POU6F1: variants seen among roughly 807,000 people sequenced by gnomAD.
POU6F1 encodes POU domain, class 6, transcription factor 1.
Under a neutral mutation model 28.9 loss-of-function variants are expected in POU6F1, and 9 were observed. That is an observed-to-expected ratio of 0.31 (90% CI 0.19 to 0.54). The LOEUF is 0.54. Among genes scored for constraint, POU6F1 ranks in the 20% least tolerant of loss-of-function variants. The probability of loss-of-function intolerance (pLI) is 0.94; values close to 1 mark genes in which losing one functional copy is unlikely to be tolerated. For synonymous variants in POU6F1, 173 were observed against 171.1 expected (o/e 1.01, Z -0.09); for missense variants, 338 against 426.1 (o/e 0.79, Z 1.82).
Position 51,196,176 on chromosome 12 carries a change from G to A in POU6F1, c.976-3C>T, listed in dbSNP as rs773600942. ...ACCCATGGAAGGGTTCCAATAACCT[G>A]GGAGGAAATAAGGCAGGGACCCCAG... On this transcript the variant is annotated splice_region_variant and splice_polypyrimidine_tract_variant and intron_variant, in intron 7 of 10. Coordinates refer to ENST00000333640, the MANE Select transcript of POU6F1 (RefSeq NM_001330422.2). 4 of 1,503,134 alleles carry A rather than the reference G, an allele frequency of 2.7e-6. No individual in the cohort carries two copies. The South Asian group carries it at 5.5e-5, about 21-fold the overall frequency. 93.1% of individuals were successfully genotyped at this position (1,503,134 alleles called of 1,614,324 possible). A position where few individuals can be genotyped will look rare whatever the true frequency, so the allele number is the denominator to read the frequency against.
intron 8 of POU6F1, among the ~76,000 whole-genome samples, chr12:51,193,758 G>T (rs1405373246): frequency 3.3e-5 from 5 of 152,050 alleles, no homozygotes; most frequent in Non-Finnish European, 7.4e-5. Flanking sequence ...CAAAATATTA[G>T]AATTTTTGTA....
rs1461677187 is a variant in POU6F1, at chr12:51,195,976, C to G, written c.1173G>C (p.Lys391Asn). 15 of 1,117,984 alleles carry G rather than the reference C, an allele frequency of 1.3e-5. No homozygotes were observed. The highest frequency in any genetic ancestry group is 3.3e-5 in the African/African-American group (2 of 61,432). 69.3% of individuals were successfully genotyped at this position (1,117,984 alleles called of 1,614,324 possible). Residue 391 changes from lysine (K) to asparagine (N), a missense_variant, in exon 8 of 11, where the codon AAG becomes AAC. Physicochemically the swap from Lys to Asn is moderately conservative, Grantham distance 94 (BLOSUM62 0). Around this residue, in one of 3 missense-constraint regions of POU6F1, gnomAD observed 206 missense variants for 225.6 expected, o/e 0.91. Transcript: ENST00000333640. ...RKPSTPESPA[K>N]SEVQPIQPTP... ...CCCCCCCCAGCCCCTGTACCTCACT[C>G]TTAGCAGGGGACTCAGGTGTGCTTG...
At position 51,205,340 on chromosome 12, in the gene POU6F1, T is replaced by C. The variant is rs1395165288; in HGVS notation, c.49-972A>G. 2.0e-5 allele frequency among the ~76,000 whole-genome samples: 3 copies of C among 152,024 alleles called. No individual in the cohort carries two copies. In the East Asian group the frequency reaches 5.8e-4, roughly 29 times the overall value. ...CAGGTGTGAGCCACCACGCCCGGCC[T>C]GACTGCAGCTTTTTATCCTGTGGCC... On this transcript the variant is annotated intron_variant, in intron 2 of 10. Transcript: ENST00000333640.
At position 51,206,865 on chromosome 12, in the gene POU6F1, G is replaced by A. The variant is rs528004068; in HGVS notation, c.-29C>T. On this transcript the variant is annotated 5_prime_UTR_variant, in exon 2 of 11. Transcript: ENST00000333640. ...CACTTGTCAGGGTCGGGTGGGGGCC[G>A]GCCCACACCTAGCACATCCTGGGTA... 4 of 398,716 alleles carry A rather than the reference G, an allele frequency of 1.0e-5. No individual in the cohort carries two copies. In the South Asian group the frequency reaches 3.8e-4, roughly 38 times the overall value. 24.7% of individuals were successfully genotyped at this position (398,716 alleles called of 1,614,324 possible). A position where few individuals can be genotyped will look rare whatever the true frequency, so the allele number is the denominator to read the frequency against.
chr12:51,205,230 T>C (rs1032477119), intron 2 of POU6F1, among the ~76,000 whole-genome samples: 4 of 151,432 alleles, frequency 2.6e-5, no homozygotes, highest in East Asian at 1.9e-4. Flanking sequence ...TTAGTAGAGA[T>C]GGGGTTTCAC....
At chr12:51,209,966 T>G (rs1351380576) in intron 1 of POU6F1, among the ~76,000 whole-genome samples, 39 of 152,166 alleles carry the variant, frequency 2.6e-4, no homozygotes, top group Admixed American at 2.6e-3. Context: ...TCAGATTTTT[T>G]TTTTGTTTTG....
chr12:51,215,406 TTAGC>T (rs1944232672), intron 1 of POU6F1, among the ~76,000 whole-genome samples: 6 of 151,346 alleles, frequency 4.0e-5, no homozygotes, highest in Non-Finnish European at 7.4e-5. Context: ...AATACAAAAA[TTAGC>T]CAGGCATGGT....
chr12:51,213,010 T>C (rs1009687611), intron 1 of POU6F1, among the ~76,000 whole-genome samples: 9 of 151,910 alleles, frequency 5.9e-5, no homozygotes, highest in South Asian at 2.1e-4. Flanking sequence ...GATCTCGGCT[T>C]ACTGCAACCT....
intron 1 of POU6F1, among the ~76,000 whole-genome samples, chr12:51,214,191 T>C (rs975325425): frequency 1.3e-5 from 2 of 151,854 alleles, no homozygotes; most frequent in African/African-American, 4.8e-5. Context: ...AATAAAATGG[T>C]GATTAAATAG....
At chr12:51,200,083 G>T (rs188378003) in intron 3 of POU6F1, among the ~76,000 whole-genome samples, 12 of 152,302 alleles carry the variant, frequency 7.9e-5, no homozygotes, top group Admixed American at 6.5e-4. Flanking sequence ...AGGCTGGGGA[G>T]CCCTGTGCCA....
At position 51,196,875 on chromosome 12, in the gene POU6F1, G is replaced by A; in HGVS notation, c.899C>T (p.Thr300Ile). ...GQTQILGSLT[T>I]APVITSAIPS... ...AATGGCGCTGGTAATGACTGGAGCT[G>A]TAGTGAGGGACCCCAGGATCTGGGT... The change falls in exon 7 of 11, where the codon ACA (threonine) becomes ATA (isoleucine). Residue 300 changes from threonine to isoleucine, a missense_variant. By Grantham distance (89) the Thr-to-Ile change is moderately conservative. Transcript: ENST00000333640. The A allele has an allele frequency of 6.2e-7, 1 of 1,613,844 alleles. No homozygotes were observed.
At chr12:51,216,557 A>G (rs1196726660) in intron 1 of POU6F1, among the ~76,000 whole-genome samples, 1 of 152,224 alleles carries the variant, frequency 6.6e-6, no homozygotes, top group Non-Finnish European at 1.5e-5. Flanking sequence ...TACAGCAGAT[A>G]AGCGGAGTAC....
chr12:51,210,060 T>C (rs1943886644), intron 1 of POU6F1, among the ~76,000 whole-genome samples: 1 of 152,170 alleles, frequency 6.6e-6, no homozygotes, highest in Non-Finnish European at 1.5e-5. Flanking sequence ...CAGCCTCAAG[T>C]GATCCTTCCA....
rs1179518026 is a variant in POU6F1 at position 51,217,791 on chromosome 12, G to A, written c.-197C>T. On this transcript the variant is annotated 5_prime_UTR_variant, in exon 1 of 11. Coordinates refer to ENST00000333640, the MANE Select transcript of POU6F1 (RefSeq NM_001330422.2). The surrounding 1 kb of genome is among the most constrained non-coding windows in gnomAD (Gnocchi z 5.3). ...CAAAGAAGCCAGTGCGGCTTGGCTG[G>A]GCTCGGCTCGGCCCGGGAGCTGGTC... 2.6e-5 allele frequency: 4 copies of A among 151,696 alleles called. No individual in the cohort carries two copies. Among genetic ancestry groups the A allele is most frequent in the Non-Finnish European group, 1.5e-5 (1 of 67,788 alleles). 9.4% of individuals were successfully genotyped at this position (151,696 alleles called of 1,614,324 possible). A position where few individuals can be genotyped will look rare whatever the true frequency, so the allele number is the denominator to read the frequency against.
chr12:51,210,365 GC>G (rs1943911854), intron 1 of POU6F1, among the ~76,000 whole-genome samples: 1 of 152,218 alleles, frequency 6.6e-6, no homozygotes, highest in Non-Finnish European at 1.5e-5. Context: ...GAATCTGGGT[GC>G]ATTATAGCTT....
At chr12:51,193,201 CT>C (rs1430949576) in intron 8 of POU6F1, among the ~76,000 whole-genome samples, 1 of 152,198 alleles carries the variant, frequency 6.6e-6, no homozygotes, top group Non-Finnish European at 1.5e-5. Context: ...TGGCAGATGG[CT>C]TTTGGTATCT....
In POU6F1 at chr12:51,196,913, G is replaced by T. The variant is rs570049892; in HGVS notation, c.861C>A (p.Ser287=). 5 of 1,591,890 alleles carry T rather than the reference G, an allele frequency of 3.1e-6. No homozygotes were observed. The Admixed American group carries it at 8.4e-5, about 27-fold the overall frequency. Residue 287 remains serine, a synonymous_variant, in exon 7 of 11, where the codon TCC becomes TCA. Transcript: ENST00000333640. ...CCAGGATCTGGGTCTGTCCCCCGAG[G>T]GAAGCAGCACTGATCTGTGGGTGGA... is the stretch of plus-strand genomic sequence containing the variant. The part of the protein sequence containing the change: ...AFSPGIISAA[S]LGGQTQILGS...
intron 1 of POU6F1, among the ~76,000 whole-genome samples, chr12:51,215,431 T>C (rs745602944): frequency 4.0e-5 from 6 of 151,714 alleles, no homozygotes; most frequent in Non-Finnish European, 7.4e-5. Context: ...GGTGTGCGCC[T>C]ATAGTTCCAG....
intron 6 of POU6F1, among the ~76,000 whole-genome samples, chr12:51,197,568 C>T (rs1368453484): frequency 6.6e-6 from 1 of 152,202 alleles, no homozygotes; most frequent in Admixed American, 6.5e-5. Flanking sequence ...GCCCTCTTGG[C>T]AGAGGTTGTC....
Sources: allele counts gnomAD v4.1 joint callset (sites outside exome capture counted in the v4.1 genomes callset), GRCh38; gene constraint gnomAD v4.1.1; regional missense constraint gnomAD v4.1.1; non-coding constraint Gnocchi (gnomAD v3.1); transcripts MANE v1.5; gene names NCBI Gene and HGNC (gene_info 2026-07-23, HGNC 2026-07-21).